Variants in LCOR observed in about 807,000 individuals in gnomAD.
The protein encoded by LCOR is ligand dependent nuclear receptor corepressor.
LCOR carries 14 observed loss-of-function variants against 64.4 expected under a neutral mutation model. The observed-to-expected ratio is 0.22, with a 90% CI of 0.14 to 0.34. The LOEUF (loss-of-function observed/expected upper bound fraction) is 0.34. LCOR is among the 10% of genes least tolerant of loss of function. LCOR has a pLI of 1.00. For synonymous variants in LCOR, 643 were observed against 642.5 expected (o/e 1.00, Z -0.01); for missense variants, 1,686 against 1,765.3 (o/e 0.96, Z 0.80).
At chr10:96,939,432 C>G (rs1847409065) in intron 4 of LCOR, among the ~76,000 whole-genome samples, 1 of 152,038 alleles carries the variant, frequency 6.6e-6, no homozygotes, top group South Asian at 2.1e-4. Context: ...ATCTTCATGA[C>G]CAAGTTTTTT....
chr10:96,849,442 T>C (rs1191635614), intron 2 of LCOR, among the ~76,000 whole-genome samples: 1 of 152,156 alleles, frequency 6.6e-6, no homozygotes, highest in Non-Finnish European at 1.5e-5. Flanking sequence ...ACTCCTGACC[T>C]CAGGTGATTG....
chr10:96,842,147 G>A lies in LCOR; in HGVS notation c.-330+8668G>A, dbSNP rs191487054. Among the ~76,000 whole-genome samples, 32 of 152,090 alleles carry A rather than the reference G, an allele frequency of 2.1e-4. No individual in the cohort carries two copies. In the East Asian group the frequency reaches 6.0e-3, roughly 29 times the overall value. ...ACAGTGGCTCATGCCTGTAATCCCA[G>A]CACTTTGGGAGGCCGAGGCGGGTGG... is the stretch of plus-strand genomic sequence containing the variant. On this transcript the variant is annotated intron_variant, in intron 2 of 7. Transcript: ENST00000421806.
At chr10:96,866,028 G>A (rs1845967712) in intron 2 of LCOR, among the ~76,000 whole-genome samples, 1 of 151,996 alleles carries the variant, frequency 6.6e-6, no homozygotes, top group Non-Finnish European at 1.5e-5. Context: ...CATATAAAAG[G>A]AACTACACAG....
intron 7 of LCOR, chr10:96,961,270 A>G (rs908489552): frequency 4.6e-5 from 7 of 152,246 alleles, no homozygotes; most frequent in Admixed American, 3.9e-4. Flanking sequence ...GGGTAATTTT[A>G]TGGTTTCCAG....
chr10:96,937,790 CAAG>C (rs944624475), intron 4 of LCOR, among the ~76,000 whole-genome samples: 7 of 152,120 alleles, frequency 4.6e-5, no homozygotes, highest in Non-Finnish European at 5.9e-5. Flanking sequence ...AAAGATATCA[CAAG>C]AAAACTACAG....
chr10:96,933,122 T>C (rs1847291419), intron 4 of LCOR, among the ~76,000 whole-genome samples: 1 of 152,232 alleles, frequency 6.6e-6, no homozygotes, highest in Non-Finnish European at 1.5e-5. Context: ...AAAATGATCT[T>C]CAGTGTGAGT....
intron 2 of LCOR, among the ~76,000 whole-genome samples, chr10:96,869,597 CAG>C (rs1344985829): frequency 1.4e-5 from 2 of 144,650 alleles, no homozygotes; most frequent in East Asian, 4.1e-4. Flanking sequence ...TTTTTTTAGA[CAG>C]AGTCTTGCTC....
chr10:96,983,260 A>G lies in LCOR; in HGVS notation c.2800A>G (p.Ile934Val). 1 of 1,614,200 alleles carries G rather than the reference A, an allele frequency of 6.2e-7. No individual in the cohort carries two copies. Among genetic ancestry groups the G allele is most frequent in the South Asian group, 1.1e-5 (1 of 91,086 alleles). Residue 934 changes from isoleucine (I) to valine (V), a missense_variant, in exon 8 of 8, where the codon ATA becomes GTA. Physicochemically the swap from Ile to Val is conservative, Grantham distance 29. Transcript: ENST00000421806. This position sits in a 1 kb window ranked among gnomAD's most constrained non-coding sequence, Gnocchi z 4.5. ...RGEIFPSRDP[I>V]TTAGQPLPGE... is the part of the protein sequence containing the mutation. ...AGAGATTTTCCCCAGCAGGGACCCC[A>G]TAACCACAGCTGGACAGCCACTGCC... is the stretch of plus-strand genomic sequence containing the variant.
rs1845384238 is a variant in LCOR, at chr10:96,833,490, C to G, written c.-330+11C>G. On this transcript the variant is annotated intron_variant, in intron 2 of 7. Coordinates refer to ENST00000421806, the MANE Select transcript of LCOR (RefSeq NM_001346516.2). ...ACCCCCCTCCAAAAAGTAAGTGGCC[C>G]GTGTGGTGTCTCCGCTCCGCCCGCC... 12 of 982,112 alleles carry G rather than the reference C, an allele frequency of 1.2e-5. No homozygotes were observed. The highest frequency in any genetic ancestry group is 1.3e-5 in the Non-Finnish European group (11 of 826,448). 60.8% of individuals were successfully genotyped at this position (982,112 alleles called of 1,614,324 possible). A position where few individuals can be genotyped will look rare whatever the true frequency, so the allele number is the denominator to read the frequency against.
chr10:96,891,199 T>C (rs1846433186), intron 2 of LCOR, among the ~76,000 whole-genome samples: 1 of 152,066 alleles, frequency 6.6e-6, no homozygotes, highest in African/African-American at 2.4e-5. Context: ...GTTTTCATAC[T>C]TGTTATAGGT....
At chr10:96,903,594 G>A (rs1036301862) in intron 2 of LCOR, among the ~76,000 whole-genome samples, 10 of 152,096 alleles carry the variant, frequency 6.6e-5, no homozygotes, top group African/African-American at 2.4e-4. Flanking sequence ...CCCAGGAACC[G>A]TTTTTTCATT....
intron 4 of LCOR, among the ~76,000 whole-genome samples, chr10:96,924,452 G>A (rs887766554): frequency 3.3e-5 from 5 of 151,502 alleles, no homozygotes; most frequent in African/African-American, 1.2e-4. Flanking sequence ...ATGTTGCCCA[G>A]GCTGGTCTCA....
Position 96,981,760 on chromosome 10 carries a change from A to G in LCOR, c.1300A>G (p.Lys434Glu), listed in dbSNP as rs1162112683. 2 of 1,614,114 alleles carry G rather than the reference A, an allele frequency of 1.2e-6. No individual in the cohort carries two copies. The highest frequency in any genetic ancestry group is 1.7e-6 in the Non-Finnish European group (2 of 1,180,048). ...LGPGPMPAVH[K>E]AANGHSRTKM... is the part of the protein sequence containing the mutation. The stretch of plus-strand genomic sequence containing the variant: ...CCCCGGCCCTATGCCAGCTGTACAC[A>G]AAGCGGCAAATGGACACTCAAGAAC... The change falls in exon 8 of 8, where the codon AAA becomes GAA. Residue 434 changes from lysine (K) to glutamate (E), a missense_variant. Lys to Glu is a moderately conservative substitution (Grantham distance 56). Coordinates refer to ENST00000421806, the MANE Select transcript of LCOR (RefSeq NM_001346516.2).
chr10:96,923,863 A>G (rs1014478201), intron 4 of LCOR, among the ~76,000 whole-genome samples: 1 of 152,188 alleles, frequency 6.6e-6, no homozygotes, highest in African/African-American at 2.4e-5. Flanking sequence ...CTGTTTTTAT[A>G]ATACCCACAA....
At chr10:96,951,160 T>C (rs1470658146) in intron 6 of LCOR, among the ~76,000 whole-genome samples, 2 of 152,172 alleles carry the variant, frequency 1.3e-5, no homozygotes, top group Non-Finnish European at 2.9e-5. Context: ...GTGTATTATC[T>C]TGTTCTGTTA....
intron 2 of LCOR, among the ~76,000 whole-genome samples, chr10:96,851,862 C>G (rs1845726797): frequency 6.6e-6 from 1 of 152,146 alleles, no homozygotes; most frequent in Non-Finnish European, 1.5e-5. Context: ...CTCCTGTGCT[C>G]TTAGTTACCC....
intron 4 of LCOR, chr10:96,915,683 T>C: frequency 6.6e-6 from 5 of 762,276 alleles, no homozygotes; most frequent in Non-Finnish European, 1.2e-5. Context: ...GATTTGGCAT[T>C]TCCCATTTTC....
chr10:96,958,716 T>G, intron 7 of LCOR: 2 of 378,930 alleles, frequency 5.3e-6, no homozygotes, highest in Non-Finnish European at 9.6e-6. Context: ...AAGAAGCTTT[T>G]GAATAAGCAT....
chr10:96,903,342 G>A (rs1335545048), intron 2 of LCOR, among the ~76,000 whole-genome samples: 3 of 152,078 alleles, frequency 2.0e-5, no homozygotes, highest in Admixed American at 6.6e-5. Flanking sequence ...TTTCAGCTCC[G>A]TTATAATTTT....
Sources: allele counts gnomAD v4.1 joint callset (sites outside exome capture counted in the v4.1 genomes callset), GRCh38; gene constraint gnomAD v4.1.1; non-coding constraint Gnocchi (gnomAD v3.1); transcripts MANE v1.5; gene names NCBI Gene and HGNC (gene_info 2026-07-23, HGNC 2026-07-21).